ERBIN: variants seen among roughly 807,000 people sequenced by gnomAD.
The protein encoded by ERBIN is densin-180-like protein.
In ERBIN, 60 loss-of-function variants were observed where a neutral mutation model predicts 158.4. The ratio of observed to expected loss-of-function variants is 0.38; its 90% CI spans 0.31 to 0.47. The LOEUF (loss-of-function observed/expected upper bound fraction) is 0.47. Among genes scored for constraint, ERBIN ranks in the 20% least tolerant of loss-of-function variants. ERBIN has a pLI of 0.99. For missense variants in ERBIN, 1,610 were observed against 1,648.0 expected, an observed-to-expected ratio of 0.98 and a Z score of 0.40; for synonymous variants, 594 against 557.2, an observed-to-expected ratio of 1.07 and a Z score of -0.93.
intron 17 of ERBIN, 29 bp from the exon 18 acceptor site, chr5:66,046,324 A>G (rs748554048): frequency 1.5e-6 from 2 of 1,314,474 alleles, no homozygotes; most frequent in Admixed American, 4.6e-5. Flanking sequence ...CTTAAAGAAT[A>G]TGAGCTCTTT....
At chr5:65,974,756 C>T (rs1404199034) in intron 1 of ERBIN, among the ~76,000 whole-genome samples, 1 of 152,050 alleles carries the variant, frequency 6.6e-6, no homozygotes, top group African/African-American at 2.4e-5. Context: ...GGATGATCAC[C>T]AAAGGTGTGA....
Position 66,018,532 on chromosome 5 carries a change from T to TA in ERBIN, c.534-2790_534-2789insA, listed in dbSNP as rs1270709473. Among the ~76,000 whole-genome samples the TA allele has an allele frequency of 8.2e-4, 4 of 4,894 alleles. 1 individual carries two copies. The highest frequency in any genetic ancestry group is 8.3e-4 in the Non-Finnish European group (2 of 2,402). 3.2% of individuals were successfully genotyped at this position (4,894 alleles called of 152,430 possible). A position where few individuals can be genotyped will look rare whatever the true frequency, so the allele number is the denominator to read the frequency against. Reference sequence around the variant, plus strand: ...TATATATTATATAATATATATTATATTATATAATATATATTATATATTATA... The same window carrying TA: ...TATATATTATATAATATATATTATATATATATAATATATATTATATATTATA... On this transcript the variant is annotated intron_variant, in intron 7 of 25. Transcript: ENST00000284037.
At chr5:66,017,265 T>G (rs751448664) in intron 7 of ERBIN, among the ~76,000 whole-genome samples, 39 of 152,156 alleles carry the variant, frequency 2.6e-4, no homozygotes, top group Non-Finnish European at 4.6e-4. Flanking sequence ...TTTTAGGAAC[T>G]TCTATACTGT....
rs187186267 is a variant in ERBIN at position 65,985,241 on chromosome 5, C to T, written c.-57-3394C>T. ...CTTGAGTACTGGGATTACAGGTGCG[C>T]ACCACCATGCCCAGTTAATTTTTGT... On this transcript the variant is annotated intron_variant, in intron 1 of 25. Coordinates refer to ENST00000284037, the MANE Select transcript of ERBIN (RefSeq NM_001253697.2). Among the ~76,000 whole-genome samples the T allele has an allele frequency of 2.5e-3, 388 of 152,268 alleles. 3 individuals carry two copies. The highest frequency in any genetic ancestry group is 9.0e-3 in the African/African-American group (374 of 41,562).
chr5:66,022,954 A>G (rs1321896715), intron 8 of ERBIN: 1 of 183,692 alleles, frequency 5.4e-6, no homozygotes, highest in Non-Finnish European at 1.1e-5. Context: ...ACTTCTAAGC[A>G]GTGAGTCCTA....
intron 13 of ERBIN, 85 bp downstream of exon 13, chr5:66,026,502 C>A: frequency 5.0e-6 from 3 of 603,758 alleles, no homozygotes; most frequent in Non-Finnish European, 5.4e-6. Flanking sequence ...AATAGAATAG[C>A]TAGTGCTTGT....
At chr5:66,031,060 A>G (rs1312814612) in intron 14 of ERBIN, among the ~76,000 whole-genome samples, 1 of 152,236 alleles carries the variant, frequency 6.6e-6, no homozygotes, top group Non-Finnish European at 1.5e-5. Flanking sequence ...GTTTGACAGA[A>G]TATTGAGTAA....
At chr5:66,056,641 A>G (rs1429335558) in intron 21 of ERBIN, among the ~76,000 whole-genome samples, 1 of 152,074 alleles carries the variant, frequency 6.6e-6, no homozygotes, top group East Asian at 1.9e-4. Context: ...TTCACTAGTA[A>G]TTTAGAGGTG....
Position 66,042,991 on chromosome 5 carries a change from T to A in ERBIN, c.1307-86T>A. On this transcript the variant is annotated intron_variant, in intron 15 of 25. Coordinates refer to ENST00000284037, the MANE Select transcript of ERBIN (RefSeq NM_001253697.2). ...TATTTTAGACTTATTGTAGTGAACA[T>A]AACTCATACAGAAATTATGAGCAAG... 5 of 1,039,410 alleles carry A rather than the reference T, an allele frequency of 4.8e-6. No homozygotes were observed. In the African/African-American group the frequency reaches 4.8e-5, roughly 10 times the overall value. The allele number at this position is 1,039,410 out of a possible 1,614,324, so 64.4% of individuals were successfully genotyped here.
Position 66,082,231 on chromosome 5 carries a change from A to T in ERBIN, c.*3701A>T, listed in dbSNP as rs1762416363. The T allele has an allele frequency of 6.6e-6, 1 of 152,230 alleles. No homozygotes were observed. The highest frequency in any genetic ancestry group is 1.5e-5 in the Non-Finnish European group (1 of 68,028). The allele number at this position is 152,230 out of a possible 1,614,324, so 9.4% of individuals were successfully genotyped here. A position where few individuals can be genotyped will look rare whatever the true frequency, so the allele number is the denominator to read the frequency against. ...ATGTTAGAGAATGTTTAGAGAAAAC[A>T]CCTGAAATTTTTTTTAAGAGAACAA... On this transcript the variant is annotated 3_prime_UTR_variant, in exon 26 of 26. Transcript: ENST00000284037.
At chr5:65,983,288 C>A (rs1215116207) in intron 1 of ERBIN, among the ~76,000 whole-genome samples, 1 of 152,122 alleles carries the variant, frequency 6.6e-6, no homozygotes, top group Non-Finnish European at 1.5e-5. Context: ...CCATCAACAT[C>A]TTTTCCTTAT....
chr5:66,035,896 C>G (rs1757348355), intron 14 of ERBIN, among the ~76,000 whole-genome samples: 1 of 152,042 alleles, frequency 6.6e-6, no homozygotes, highest in African/African-American at 2.4e-5. Context: ...GAGTTTGAGA[C>G]CTGCCTGGGT....
chr5:65,982,114 C>G (rs1179063436), intron 1 of ERBIN, among the ~76,000 whole-genome samples: 1 of 152,168 alleles, frequency 6.6e-6, no homozygotes, highest in Admixed American at 6.5e-5. Context: ...GAGATTATTA[C>G]CACAAAAGCA....
chr5:65,989,261 C>T (rs1273656001), intron 2 of ERBIN, among the ~76,000 whole-genome samples: 1 of 152,168 alleles, frequency 6.6e-6, no homozygotes, highest in East Asian at 1.9e-4. Flanking sequence ...ACTTCTCTTT[C>T]GTATGTTACT....
chr5:65,954,563 T>C (rs1460639662), intron 1 of ERBIN, among the ~76,000 whole-genome samples: 3 of 152,174 alleles, frequency 2.0e-5, no homozygotes, highest in African/African-American at 7.2e-5. Flanking sequence ...TTGATTTGTT[T>C]CATAGTGCTG....
In ERBIN at chr5:66,018,559, AAT is replaced by A. The variant is rs1399925023; in HGVS notation, c.534-2756_534-2755del. On this transcript the variant is annotated intron_variant, in intron 7 of 25. Coordinates refer to ENST00000284037, the MANE Select transcript of ERBIN (RefSeq NM_001253697.2). ...ATATAATATATATTATATATTATAT[AAT>A]ATATATTATATTATATAATATATAT... 1.8e-4 allele frequency among the ~76,000 whole-genome samples: 2 copies of A among 11,308 alleles called. 1 individual carries two copies. Among genetic ancestry groups the A allele is most frequent in the African/African-American group, 1.1e-3 (2 of 1,780 alleles). The allele number at this position is 11,308 out of a possible 152,430, so 7.4% of individuals were successfully genotyped here.
rs72770211 is a variant in ERBIN at position 66,008,551 on chromosome 5, C to T, written c.308-3498C>T. Among the ~76,000 whole-genome samples the T allele has an allele frequency of 4.6e-3, 695 of 152,172 alleles. 3 individuals are homozygous for T. The highest frequency in any genetic ancestry group is 7.3e-3 in the South Asian group (35 of 4,826). On this transcript the variant is annotated intron_variant, in intron 4 of 25. Transcript: ENST00000284037. The stretch of plus-strand genomic sequence containing the variant: ...TAAACACAATATTTGTAATTTAAAG[C>T]TCTTGAAATTGTTCTCCATATGGTA...
intron 1 of ERBIN, among the ~76,000 whole-genome samples, chr5:65,935,490 T>G (rs1329121929): frequency 1.3e-5 from 2 of 152,208 alleles, no homozygotes; most frequent in African/African-American, 4.8e-5. Context: ...GCAGTCCAAT[T>G]AATTTCTGAA....
At chr5:65,990,538 C>T (rs1383870880) in intron 2 of ERBIN, among the ~76,000 whole-genome samples, 4 of 145,700 alleles carry the variant, frequency 2.7e-5, no homozygotes, top group Admixed American at 6.6e-5. Context: ...GGCATGGTGG[C>T]GGGCAGCTAC....
Sources: allele counts gnomAD v4.1 joint callset (sites outside exome capture counted in the v4.1 genomes callset), GRCh38; gene constraint gnomAD v4.1.1; transcripts MANE v1.5; gene names NCBI Gene and HGNC (gene_info 2026-07-23, HGNC 2026-07-21).